The following KLHL14 variants were observed in gnomAD, a reference collection of about 807,000 sequenced individuals.
KLHL14 encodes the protein kelch like family member 14.
In KLHL14, 22 loss-of-function variants were observed where a neutral mutation model predicts 64.3. The observed-to-expected ratio is 0.34, with a 90% CI of 0.24 to 0.49. KLHL14 has a LOEUF of 0.49. KLHL14 is among the 20% of genes least tolerant of loss of function. The pLI is 0.99. For synonymous variants in KLHL14, 322 were observed against 333.4 expected, an observed-to-expected ratio of 0.97 and a Z score of 0.37; for missense variants, 661 against 789.0, an observed-to-expected ratio of 0.84 and a Z score of 1.94.
chr18:32,756,273 C>T (rs2050281059), intron 2 of KLHL14, among the ~76,000 whole-genome samples: 1 of 152,220 alleles, frequency 6.6e-6, no homozygotes, highest in African/African-American at 2.4e-5. Flanking sequence ...CAGCTGTCTA[C>T]AAACCAGGAA....
chr18:32,710,885 C>T (rs1161212455), intron 3 of KLHL14, among the ~76,000 whole-genome samples: 4 of 151,746 alleles, frequency 2.6e-5, no homozygotes, highest in Non-Finnish European at 5.9e-5. Flanking sequence ...AGTTGGCTGG[C>T]GTGTAGTGGA....
At chr18:32,700,236 G>C (rs1480017908) in intron 3 of KLHL14, among the ~76,000 whole-genome samples, 1 of 152,136 alleles carries the variant, frequency 6.6e-6, no homozygotes, top group Non-Finnish European at 1.5e-5. Flanking sequence ...GATGGTTATT[G>C]AATGTTTATC....
At position 32,673,152 on chromosome 18, in the gene KLHL14, A is replaced by T. The variant is rs543693980; in HGVS notation, c.*1505T>A. 8 of 152,714 alleles carry T rather than the reference A, an allele frequency of 5.2e-5. No individual in the cohort carries two copies. In the East Asian group the frequency reaches 1.5e-3, roughly 29 times the overall value. 9.5% of individuals were successfully genotyped at this position (152,714 alleles called of 1,614,324 possible). A position where few individuals can be genotyped will look rare whatever the true frequency, so the allele number is the denominator to read the frequency against. ...TCTGAACATACAAATAAATACAAAA[A>T]CAACGAAGATTGCACTTTACTGTAG... On this transcript the variant is annotated 3_prime_UTR_variant, in exon 9 of 9. Coordinates refer to ENST00000359358, the MANE Select transcript of KLHL14 (RefSeq NM_020805.3).
At chr18:32,693,409 CACACAGAGAGAGAG>C (rs1391740659) in intron 4 of KLHL14, among the ~76,000 whole-genome samples, 28 of 116,794 alleles carry the variant, frequency 2.4e-4, no homozygotes, top group African/African-American at 5.7e-4. Context: ...CACACACACA[CACACAGAGAGAGAG>C]AGAGAGAGAG....
chr18:32,699,408 A>G (rs1012160529), intron 3 of KLHL14, among the ~76,000 whole-genome samples: 1 of 152,190 alleles, frequency 6.6e-6, no homozygotes, highest in Non-Finnish European at 1.5e-5. Context: ...GATAAAATAT[A>G]CTGATAGTAT....
chr18:32,771,126 G>A (rs966234252), intron 1 of KLHL14: 4 of 201,228 alleles, frequency 2.0e-5, no homozygotes, highest in Non-Finnish European at 1.1e-5. Flanking sequence ...TGTGCCCGAA[G>A]CTTTGCTTTT....
chr18:32,765,326 G>A (rs1316613092), intron 2 of KLHL14, among the ~76,000 whole-genome samples: 2 of 152,114 alleles, frequency 1.3e-5, no homozygotes, highest in Non-Finnish European at 2.9e-5. Flanking sequence ...TCATAAAAAT[G>A]GTAAAAATAC....
At chr18:32,719,136 C>T (rs571835460) in intron 3 of KLHL14, among the ~76,000 whole-genome samples, 2 of 152,098 alleles carry the variant, frequency 1.3e-5, no homozygotes, top group African/African-American at 4.8e-5. Context: ...TTAGTAGAGA[C>T]GGGGTTTCTC....
At chr18:32,701,317 T>C (rs1373448884) in intron 3 of KLHL14, among the ~76,000 whole-genome samples, 3 of 151,974 alleles carry the variant, frequency 2.0e-5, no homozygotes, top group Non-Finnish European at 4.4e-5. Context: ...AAATAACAAA[T>C]AGGAGCACAG....
rs559078850 is a variant in KLHL14, at chr18:32,687,935, G to C, written c.1160-702C>G. ...CAAGTAAGTTCTGTGTGTGTATTTG[G>C]GGGGAGCACAGTTGCTGTGACATAT... On this transcript the variant is annotated intron_variant, in intron 4 of 8. Coordinates refer to ENST00000359358, the MANE Select transcript of KLHL14 (RefSeq NM_020805.3). 6.6e-5 allele frequency among the ~76,000 whole-genome samples: 10 copies of C among 152,222 alleles called. No homozygotes were observed. The East Asian group carries it at 1.7e-3, about 27-fold the overall frequency.
chr18:32,715,247 T>C (rs16963740), intron 3 of KLHL14, among the ~76,000 whole-genome samples: 7,064 of 152,282 alleles, frequency 0.046, 497 homozygotes, highest in African/African-American at 0.16. Context: ...CCCTTTAGTC[T>C]ATAAGCAACT....
chr18:32,692,254 A>G (rs751611093), intron 4 of KLHL14, among the ~76,000 whole-genome samples: 31 of 152,202 alleles, frequency 2.0e-4, no homozygotes, highest in East Asian at 3.8e-4. Context: ...ATTTATTTCA[A>G]TGAGTACATG....
At chr18:32,753,176 A>G (rs1411573215) in intron 2 of KLHL14, among the ~76,000 whole-genome samples, 2 of 152,156 alleles carry the variant, frequency 1.3e-5, no homozygotes, top group African/African-American at 4.8e-5. Context: ...CTTGTGTACC[A>G]TCTGAAATTG....
At chr18:32,697,405 C>T (rs1338069277) in intron 3 of KLHL14, among the ~76,000 whole-genome samples, 1 of 152,192 alleles carries the variant, frequency 6.6e-6, no homozygotes, top group Non-Finnish European at 1.5e-5. Context: ...TAAACTTACT[C>T]AGCATTAATT....
At chr18:32,722,348 C>A (rs2050084092) in intron 3 of KLHL14, among the ~76,000 whole-genome samples, 1 of 152,098 alleles carries the variant, frequency 6.6e-6, no homozygotes, top group African/African-American at 2.4e-5. Context: ...GCCTCAAGCC[C>A]AATATGCTGT....
intron 3 of KLHL14, among the ~76,000 whole-genome samples, chr18:32,723,661 C>T (rs1340896181): frequency 2.0e-5 from 3 of 152,132 alleles, no homozygotes; most frequent in African/African-American, 7.2e-5. Flanking sequence ...TTACTATCCC[C>T]ATTGTGTTGA....
At chr18:32,718,124 T>A (rs907494878) in intron 3 of KLHL14, among the ~76,000 whole-genome samples, 3 of 152,192 alleles carry the variant, frequency 2.0e-5, no homozygotes, top group African/African-American at 7.2e-5. Flanking sequence ...CTGCCTCCAA[T>A]CTCTCCTTTT....
rs1054823155 is a variant in KLHL14, at chr18:32,680,063, G to A, written c.1588+106C>T. 8.6e-7 allele frequency: 1 copy of A among 1,160,326 alleles called. No individual in the cohort carries two copies. The highest frequency in any genetic ancestry group is 2.5e-5 in the Admixed American group (1 of 39,966). The allele number at this position is 1,160,326 out of a possible 1,614,324, so 71.9% of individuals were successfully genotyped here. The stretch of plus-strand genomic sequence containing the variant: ...AGAGTAGATTTTATTAGGTCAACAT[G>A]TTTTTTACTTGGTTAACTATGATTA... On this transcript the variant is annotated intron_variant, in intron 7 of 8. Transcript: ENST00000359358. This position sits in a 1 kb window ranked among gnomAD's most constrained non-coding sequence, Gnocchi z 4.8.
intron 3 of KLHL14, among the ~76,000 whole-genome samples, chr18:32,697,566 A>G (rs1412119933): frequency 1.3e-5 from 2 of 152,226 alleles, no homozygotes; most frequent in Non-Finnish European, 2.9e-5. Context: ...AAATAATGAA[A>G]AACGGTATTA....
Sources: gnomAD v4.1 joint callset for allele counts (sites outside exome capture counted in the v4.1 genomes callset) on GRCh38, gnomAD v4.1.1 for gene constraint, Gnocchi (gnomAD v3.1) non-coding constraint, MANE v1.5 for transcripts, NCBI Gene and HGNC (gene_info 2026-07-23, HGNC 2026-07-21) for gene names.